The following GAB2 variants were observed in gnomAD, a reference collection of about 807,000 sequenced individuals.
GAB2 encodes the protein GRB2 associated binding protein 2, also known as GRB2-associated-binding protein 2.
A neutral mutation model predicts 65.5 loss-of-function variants in GAB2; 26 were observed. The ratio of observed to expected loss-of-function variants is 0.40; its 90% confidence interval spans 0.29 to 0.55. The LOEUF (loss-of-function observed/expected upper bound fraction) is 0.55. Among genes scored for constraint, GAB2 ranks in the 20% least tolerant of loss-of-function variants. The probability of loss-of-function intolerance (pLI) is 0.53; values close to 1 mark genes in which losing one functional copy is unlikely to be tolerated. For synonymous variants in GAB2, 321 were observed against 329.6 expected (o/e 0.97, Z 0.28); for missense variants, 884 against 875.8 (o/e 1.01, Z -0.12).
chr11:78,355,408 C>T (rs1245724333), intron 1 of GAB2, among the ~76,000 whole-genome samples: 1 of 152,096 alleles, frequency 6.6e-6, no homozygotes, highest in African/African-American at 2.4e-5. Flanking sequence ...ATTTGGAAGG[C>T]CAACTCTATT....
At chr11:78,372,246 T>C (rs1856581927) in intron 1 of GAB2, among the ~76,000 whole-genome samples, 1 of 152,214 alleles carries the variant, frequency 6.6e-6, no homozygotes, top group Non-Finnish European at 1.5e-5. Context: ...GCTCTCACCC[T>C]CCTGACTCTG....
chr11:78,264,831 G>C (rs933542488), intron 2 of GAB2, among the ~76,000 whole-genome samples: 6 of 152,024 alleles, frequency 3.9e-5, no homozygotes, highest in Non-Finnish European at 8.8e-5. Flanking sequence ...TTTGAGTTTG[G>C]GCAAAACAGA....
chr11:78,328,056 T>C (rs868024669), intron 1 of GAB2, among the ~76,000 whole-genome samples: 38 of 152,098 alleles, frequency 2.5e-4, no homozygotes, highest in African/African-American at 8.4e-4. Context: ...GGCTGATCAT[T>C]TGCTTGTGCA....
chr11:78,344,156 G>A (rs1418236743), intron 1 of GAB2, among the ~76,000 whole-genome samples: 3 of 152,192 alleles, frequency 2.0e-5, no homozygotes, highest in African/African-American at 7.2e-5. Flanking sequence ...GTTTTAAGAA[G>A]TAGGATGACA....
chr11:78,400,901 CAAAAAAAAAA>C (rs59240034), intron 1 of GAB2, among the ~76,000 whole-genome samples: 135 of 65,266 alleles, frequency 2.1e-3, no homozygotes, highest in Admixed American at 4.1e-3. Context: ...GAGACTGTCT[CAAAAAAAAAA>C]AAAAAAAAAA....
chr11:78,300,424 GTCT>G (rs773677180), intron 1 of GAB2, among the ~76,000 whole-genome samples: 5 of 151,476 alleles, frequency 3.3e-5, no homozygotes, highest in Non-Finnish European at 5.9e-5. Flanking sequence ...TATTGTACAA[GTCT>G]TTTTTGTGAG....
chr11:78,275,884 T>C (rs1171437269), intron 2 of GAB2, among the ~76,000 whole-genome samples: 1 of 151,770 alleles, frequency 6.6e-6, no homozygotes, highest in Non-Finnish European at 1.5e-5. Flanking sequence ...GAGGCCAAGG[T>C]GAGTGGATCA....
intron 1 of GAB2, among the ~76,000 whole-genome samples, chr11:78,312,248 G>T (rs917852513): frequency 1.3e-5 from 2 of 150,328 alleles, no homozygotes; most frequent in Admixed American, 1.3e-4. Flanking sequence ...AGGAAAACAA[G>T]AGGGAGATTC....
At chr11:78,360,913 T>C (rs189048051) in intron 1 of GAB2, among the ~76,000 whole-genome samples, 18 of 152,120 alleles carry the variant, frequency 1.2e-4, no homozygotes, top group African/African-American at 4.3e-4. Flanking sequence ...TTGTTCTAAA[T>C]AAGAGAATAC....
intron 1 of GAB2, among the ~76,000 whole-genome samples, chr11:78,395,785 T>C (rs1856888286): frequency 6.6e-6 from 1 of 152,138 alleles, no homozygotes; most frequent in Non-Finnish European, 1.5e-5. Flanking sequence ...AGATTAAAGC[T>C]CAGAAAGATT....
rs114023138 is a variant in GAB2, at chr11:78,388,744, C to G, written c.75+28902G>C. ...CAGAGCTATGGATATCCTTAGAGAA[C>G]ATAACTTCAAAATAAGCAAATGCAA... On this transcript the variant is annotated intron_variant, in intron 1 of 9. Transcript: ENST00000361507. 9.2e-3 allele frequency among the ~76,000 whole-genome samples: 1,408 copies of G among 152,298 alleles called. 25 individuals carry two copies. The highest frequency in any genetic ancestry group is 0.032 in the African/African-American group (1,337 of 41,560).
At chr11:78,224,949 A>G (rs1190267994) in intron 5 of GAB2, among the ~76,000 whole-genome samples, 159 bp downstream of exon 5, 1 of 152,252 alleles carries the variant, frequency 6.6e-6, no homozygotes, top group African/African-American at 2.4e-5. Context: ...TTACTTGTCC[A>G]AAGACTCAAC....
At chr11:78,401,066 G>T (rs1175319686) in intron 1 of GAB2, among the ~76,000 whole-genome samples, 1 of 151,146 alleles carries the variant, frequency 6.6e-6, no homozygotes, top group Admixed American at 6.6e-5. Context: ...TTTCTCTTGG[G>T]TTAGAAATAT....
intron 1 of GAB2, among the ~76,000 whole-genome samples, chr11:78,358,299 G>T: frequency 8.6e-6 from 1 of 116,522 alleles, no homozygotes; most frequent in African/African-American, 3.2e-5. Flanking sequence ...CTGTTGTGGG[G>T]TGGGGGGAGG....
At chr11:78,284,888 T>C (rs1211094583) in intron 1 of GAB2, among the ~76,000 whole-genome samples, 1 of 152,190 alleles carries the variant, frequency 6.6e-6, no homozygotes, top group Non-Finnish European at 1.5e-5. Flanking sequence ...AATATATATA[T>C]AATTAATGAA....
chr11:78,273,218 G>C (rs1866067925), intron 2 of GAB2, among the ~76,000 whole-genome samples: 1 of 152,230 alleles, frequency 6.6e-6, no homozygotes, highest in African/African-American at 2.4e-5. Flanking sequence ...CCATCCTCCA[G>C]ACCCCAGAAT....
At chr11:78,281,392 T>A (rs1249286941) in intron 1 of GAB2, among the ~76,000 whole-genome samples, 1 of 152,134 alleles carries the variant, frequency 6.6e-6, no homozygotes, top group Non-Finnish European at 1.5e-5. Flanking sequence ...ATTACAGGCA[T>A]GTGCCACCAC....
At chr11:78,358,613 C>G (rs1856393505) in intron 1 of GAB2, among the ~76,000 whole-genome samples, 1 of 151,834 alleles carries the variant, frequency 6.6e-6, no homozygotes, top group Admixed American at 6.6e-5. Flanking sequence ...TAATAATGTC[C>G]TGAGGCTACT....
At chr11:78,348,972 A>T (rs958820622) in intron 1 of GAB2, among the ~76,000 whole-genome samples, 1 of 152,228 alleles carries the variant, frequency 6.6e-6, no homozygotes, top group African/African-American at 2.4e-5. Context: ...ATAAAATGCA[A>T]ACTAATTTAG....
Sources: allele counts gnomAD v4.1 joint callset (sites outside exome capture counted in the v4.1 genomes callset), GRCh38; gene constraint gnomAD v4.1.1; transcripts MANE v1.5; gene names NCBI Gene and HGNC (gene_info 2026-07-23, HGNC 2026-07-21).